Variants in NDE1 observed in about 807,000 individuals in gnomAD.
The protein encoded by NDE1 is nuclear distribution protein nudE homolog 1.
A neutral mutation model predicts 43.4 loss-of-function variants in NDE1; 28 were observed. That is an observed-to-expected ratio of 0.65 (90% CI 0.48 to 0.89). The LOEUF is 0.89. NDE1 is among the 40% of genes least tolerant of loss of function. The pLI, the probability that NDE1 is intolerant of heterozygous loss-of-function variation, is 0.00. For synonymous variants in NDE1, 184 were observed against 172.0 expected (o/e 1.07, Z -0.55); for missense variants, 441 against 434.1 (o/e 1.02, Z -0.14).
chr16:15,664,236 G>T (rs2037188820), intron 1 of NDE1, among the ~76,000 whole-genome samples: 1 of 152,126 alleles, frequency 6.6e-6, no homozygotes, highest in Non-Finnish European at 1.5e-5. Context: ...TTTGCATAGG[G>T]ATATCCATGA....
chr16:15,654,484 C>T (rs911295087), intron 1 of NDE1, among the ~76,000 whole-genome samples: 8 of 151,126 alleles, frequency 5.3e-5, no homozygotes, highest in African/African-American at 4.9e-5. Context: ...ACCTGTAATC[C>T]GAGGTACTAG....
chr16:15,647,268 G>A (rs950173963), upstream of NDE1, among the ~76,000 whole-genome samples: 6 of 152,184 alleles, frequency 3.9e-5, no homozygotes, highest in East Asian at 1.9e-4. Context: ...TTGTAGGATA[G>A]CAGGAAGGCA....
At chr16:15,712,406 T>G (rs1414449941) in intron 8 of NDE1, among the ~76,000 whole-genome samples, 3 of 151,822 alleles carry the variant, frequency 2.0e-5, no homozygotes, top group African/African-American at 7.3e-5. Flanking sequence ...TCCCAGCACG[T>G]GGGGAGGCTG....
intron 1 of NDE1, chr16:15,652,038 G>C (rs1302848277): frequency 6.6e-6 from 1 of 151,900 alleles, no homozygotes; most frequent in Non-Finnish European, 1.5e-5. Flanking sequence ...CTCCTGAGTA[G>C]CTGGGATTAC....
At chr16:15,712,654 G>T (rs1303506435) in intron 8 of NDE1, among the ~76,000 whole-genome samples, 1 of 152,078 alleles carries the variant, frequency 6.6e-6, no homozygotes, top group Non-Finnish European at 1.5e-5. Context: ...TCGAGGTGAG[G>T]GATCAGCAGA....
chr16:15,678,005 C>G (rs1454552104), intron 4 of NDE1, 56 bp downstream of exon 4: 1 of 1,605,362 alleles, frequency 6.2e-7, no homozygotes, highest in Non-Finnish European at 8.5e-7. Context: ...CTTTTTGTCC[C>G]CAGCAGCTGG....
chr16:15,691,066 C>T, intron 5 of NDE1, 78 bp from the exon 6 acceptor site: 1 of 1,592,836 alleles, frequency 6.3e-7, no homozygotes, highest in Non-Finnish European at 8.6e-7. Context: ...CCTTGGCCTC[C>T]CAAAGTGCTG....
intron 3 of NDE1, among the ~76,000 whole-genome samples, chr16:15,669,448 A>T (rs1308528050): frequency 2.3e-5 from 3 of 131,688 alleles, no homozygotes; most frequent in Non-Finnish European, 3.1e-5. Flanking sequence ...TGCAACCTCC[A>T]CCTCCTGGGT....
At chr16:15,715,362 T>C in intron 8 of NDE1, 1 of 1,198,432 alleles carries the variant, frequency 8.3e-7, no homozygotes, top group South Asian at 1.2e-5. Flanking sequence ...CTTGAGTGCT[T>C]TCCTGAGCCC....
At chr16:15,661,306 G>A (rs972298297) in intron 1 of NDE1, among the ~76,000 whole-genome samples, 1 of 151,966 alleles carries the variant, frequency 6.6e-6, no homozygotes, top group Non-Finnish European at 1.5e-5. Flanking sequence ...CCGCTGCCAG[G>A]CCTGGATAAT....
chr16:15,649,835 C>A (rs1477976631), upstream of NDE1, among the ~76,000 whole-genome samples: 1 of 152,234 alleles, frequency 6.6e-6, no homozygotes, highest in Non-Finnish European at 1.5e-5. Flanking sequence ...GCACTGCTAG[C>A]TTCAGTGGGC....
intron 8 of NDE1, among the ~76,000 whole-genome samples, chr16:15,697,914 C>G (rs1275404803): frequency 6.6e-6 from 1 of 150,952 alleles, no homozygotes; most frequent in East Asian, 2.0e-4. Flanking sequence ...CCAAGCAATT[C>G]TCCTGCCTCA....
At chr16:15,649,630 G>T (rs1403572211), upstream of NDE1, among the ~76,000 whole-genome samples, 1 of 152,134 alleles carries the variant, frequency 6.6e-6, no homozygotes, top group Non-Finnish European at 1.5e-5. Context: ...ACCCATAATG[G>T]CGTTTTATAG....
chr16:15,683,033 G>A (rs2038262515), intron 4 of NDE1, among the ~76,000 whole-genome samples: 1 of 151,426 alleles, frequency 6.6e-6, no homozygotes, highest in Non-Finnish European at 1.5e-5. Context: ...TTTTTAAAGA[G>A]ATGGGGTCAC....
At chr16:15,699,241 A>G (rs2039138644) in intron 8 of NDE1, among the ~76,000 whole-genome samples, 1 of 148,620 alleles carries the variant, frequency 6.7e-6, no homozygotes, top group Admixed American at 6.7e-5. Flanking sequence ...GGGGGTTACA[A>G]GCGTTAGCAA....
chr16:15,704,923 C>G (rs1301692967), intron 8 of NDE1, among the ~76,000 whole-genome samples: 2 of 152,182 alleles, frequency 1.3e-5, no homozygotes, highest in Non-Finnish European at 2.9e-5. Context: ...AAGCAGTTCT[C>G]CTACCTTGGC....
At chr16:15,702,353 A>G (rs769533744) in intron 8 of NDE1, among the ~76,000 whole-genome samples, 1 of 152,228 alleles carries the variant, frequency 6.6e-6, no homozygotes, top group Non-Finnish European at 1.5e-5. Flanking sequence ...GCAAGACCAT[A>G]TGTAGCCTGT....
chr16:15,724,229 C>A lies in NDE1; in HGVS notation c.986C>A (p.Thr329Asn). 1.2e-6 allele frequency: 2 copies of A among 1,614,182 alleles called. No individual in the cohort carries two copies. Among genetic ancestry groups the A allele is most frequent in the African/African-American group, 1.3e-5 (1 of 75,062 alleles). ...TSCRWLSKSTTRSSSSC is the reference protein window; with the variant it reads ...TSCRWLSKSTNRSSSSC ...TGCCGCTGGTTGTCCAAATCAACAA[C>A]CAGGTCGTCCAGCTCCTGCTGAAGC... is the stretch of plus-strand genomic sequence containing the variant. Residue 329 changes from threonine (T) to asparagine (N), a missense_variant, in exon 9 of 9, where the codon ACC (threonine) becomes AAC (asparagine). Coordinates refer to ENST00000396354, the MANE Select transcript of NDE1 (RefSeq NM_017668.3).
intron 3 of NDE1, 97 bp downstream of exon 3, chr16:15,667,536 C>A: frequency 7.0e-7 from 1 of 1,430,578 alleles, no homozygotes; most frequent in South Asian, 1.2e-5. Context: ...ATGAGGGACT[C>A]CAGACCCCAG....
Sources: allele counts gnomAD v4.1 joint callset (sites outside exome capture counted in the v4.1 genomes callset), GRCh38; gene constraint gnomAD v4.1.1; transcripts MANE v1.5; gene names NCBI Gene and HGNC (gene_info 2026-07-23, HGNC 2026-07-21).